Variants in SMARCD3 observed in about 807,000 individuals in gnomAD.
SMARCD3 encodes SWI/SNF related BAF chromatin remodeling complex subunit D3, also known as SWI/SNF-related matrix-associated actin-dependent regulator of chromatin subfamily D member 3.
In SMARCD3, 14 loss-of-function variants were observed where a neutral mutation model predicts 58.0. The ratio of observed to expected loss-of-function variants is 0.24; its 90% CI spans 0.16 to 0.38. The LOEUF (loss-of-function observed/expected upper bound fraction) is 0.38, where lower values mean the gene tolerates loss of function less well. Among genes scored for constraint, SMARCD3 ranks in the 10% least tolerant of loss-of-function variants. The pLI is 1.00. For missense variants in SMARCD3, 408 were observed against 636.9 expected, an observed-to-expected ratio of 0.64 and a Z score of 3.87; for synonymous variants, 253 against 253.8, an observed-to-expected ratio of 1.00 and a Z score of 0.03.
chr7:151,245,388 G>A lies in SMARCD3; in HGVS notation c.290+72C>T. ...TCGCCCCTTCCAATCCCCGCTACTC[G>A]CTTACCTGGTCCCTGCGGGTCCCCC... is the stretch of plus-strand genomic sequence containing the variant. On this transcript the variant is annotated intron_variant, in intron 2 of 12. Coordinates refer to ENST00000262188, the MANE Select transcript of SMARCD3 (RefSeq NM_001003801.2). The surrounding 1 kb of genome is among the most constrained non-coding windows in gnomAD (Gnocchi z 6.2). 1 of 566,340 alleles carries A rather than the reference G, an allele frequency of 1.8e-6. No individual in the cohort carries two copies. Among genetic ancestry groups the A allele is most frequent in the Non-Finnish European group, 2.6e-6 (1 of 383,368 alleles). 35.1% of individuals were successfully genotyped at this position (566,340 alleles called of 1,614,324 possible).
chr7:151,252,727 G>T (rs536090795), upstream of SMARCD3, among the ~76,000 whole-genome samples: 2 of 34 alleles, frequency 0.059, no homozygotes, highest in Admixed American at 0.5. Flanking sequence ...CAGAGGGGAC[G>T]CTCCGAAGCC....
intron 2 of SMARCD3, among the ~76,000 whole-genome samples, chr7:151,267,467 C>T (rs562571579): frequency 4.6e-5 from 7 of 152,284 alleles, no homozygotes; most frequent in East Asian, 3.9e-4. Flanking sequence ...GAATGTACTG[C>T]GAAGTCCTCA....
Position 151,245,599 on chromosome 7 carries a change from T to G in SMARCD3, c.151A>C (p.Met51Leu), listed in dbSNP as rs959934298. The part of the protein sequence containing the change: ...APMGPPGSPY[M>L]GSPAVRPGLA... The stretch of plus-strand genomic sequence containing the variant: ...CCGGGTCGCACGGCGGGGCTGCCCA[T>G]GTACGGGGAGCCCGGGGGGCCCATG... The change falls in exon 2 of 13, where the codon ATG becomes CTG. Residue 51 changes from methionine to leucine, a missense_variant. Physicochemically the swap from Met to Leu is conservative, Grantham distance 15. This residue lies in a region of SMARCD3 where 84 missense variants were observed against 81.2 expected (regional missense o/e 1.03). Coordinates refer to ENST00000262188, the MANE Select transcript of SMARCD3 (RefSeq NM_001003801.2). This position sits in a 1 kb window ranked among gnomAD's most constrained non-coding sequence, Gnocchi z 6.2. 3.4e-6 allele frequency: 4 copies of G among 1,171,204 alleles called. No individual in the cohort carries two copies. The highest frequency in any genetic ancestry group is 4.3e-6 in the Non-Finnish European group (4 of 933,850). 72.6% of individuals were successfully genotyped at this position (1,171,204 alleles called of 1,614,324 possible).
At chr7:151,251,532 C>T (rs536153797), upstream of SMARCD3, among the ~76,000 whole-genome samples, 84 of 152,218 alleles carry the variant, frequency 5.5e-4, 2 homozygotes, top group East Asian at 0.016. Context: ...GGGCCCGGGC[C>T]AGGGCTCCCT....
chr7:151,238,801 A>G lies in SMARCD3; in HGVS notation c.*302T>C, dbSNP rs1802795806. 5.2e-6 allele frequency: 8 copies of G among 1,545,296 alleles called. No homozygotes were observed. Among genetic ancestry groups the G allele is most frequent in the South Asian group, 1.2e-5 (1 of 84,060 alleles). On this transcript the variant is annotated 3_prime_UTR_variant, in exon 13 of 13. Coordinates refer to ENST00000262188, the MANE Select transcript of SMARCD3 (RefSeq NM_001003801.2). ...TGTATTTTTTAAATATGAAAATGTTATTAAACATGTCTTCTGCCAAACTGT... is the reference window on the plus strand; with the variant it reads ...TGTATTTTTTAAATATGAAAATGTTGTTAAACATGTCTTCTGCCAAACTGT...
chr7:151,243,844 A>T lies in SMARCD3; in HGVS notation c.291-143T>A. The T allele has an allele frequency of 4.0e-6, 3 of 744,718 alleles. No individual in the cohort carries two copies. The Admixed American group carries it at 5.3e-5, about 13-fold the overall frequency. 46.1% of individuals were successfully genotyped at this position (744,718 alleles called of 1,614,324 possible). A position where few individuals can be genotyped will look rare whatever the true frequency, so the allele number is the denominator to read the frequency against. Reference sequence around the variant, plus strand: ...CTTGTCTGCCCGCCCAAGGGCTGTGACGGTGGTGTGTGGAACCGGTGCTCT... The same window carrying T: ...CTTGTCTGCCCGCCCAAGGGCTGTGTCGGTGGTGTGTGGAACCGGTGCTCT... On this transcript the variant is annotated intron_variant, in intron 2 of 12. Coordinates refer to ENST00000262188, the MANE Select transcript of SMARCD3 (RefSeq NM_001003801.2). This position sits in a 1 kb window ranked among gnomAD's most constrained non-coding sequence, Gnocchi z 4.4.
chr7:151,251,175 C>T (rs992710565), upstream of SMARCD3, among the ~76,000 whole-genome samples: 2 of 152,030 alleles, frequency 1.3e-5, no homozygotes, highest in African/African-American at 2.4e-5. Context: ...GGTAGTTAGA[C>T]GAGGGGCTAT....
At chr7:151,274,955 G>C (rs975631259) in intron 2 of SMARCD3, among the ~76,000 whole-genome samples, 2 of 152,208 alleles carry the variant, frequency 1.3e-5, no homozygotes, top group Non-Finnish European at 2.9e-5. Flanking sequence ...GGGGTGGGGA[G>C]AGGGACAGAG....
chr7:151,241,909 G>A lies in SMARCD3; in HGVS notation c.745C>T (p.Arg249Cys), dbSNP rs1006868588. The A allele has an allele frequency of 1.1e-5, 18 of 1,612,064 alleles. No homozygotes were observed. The highest frequency in any genetic ancestry group is 8.4e-5 in the Admixed American group (5 of 59,692). Residue 249 changes from arginine (R) to cysteine (C), a missense_variant, in exon 7 of 13, where the codon CGC (arginine) becomes TGC (cysteine). Coordinates refer to ENST00000262188, the MANE Select transcript of SMARCD3 (RefSeq NM_001003801.2). The surrounding 1 kb of genome is among the most constrained non-coding windows in gnomAD (Gnocchi z 5.3). ...QVKRPGDLSV[R>C]CTLLLMLDYQ... is the part of the protein sequence containing the mutation. ...TCCAGCATGAGGAGCAGCGTGCAGC[G>A]CACACTCAGGTCCCCAGGCCGTTTC...
At position 151,243,604 on chromosome 7, in the gene SMARCD3, G is replaced by A; in HGVS notation, c.333+55C>T. ...CTCTGCTTCTGAGGGGGGAGGGGAG[G>A]GCGGAGCAGCAAAGGGTGGGGGGTG... On this transcript the variant is annotated intron_variant, in intron 3 of 12. Coordinates refer to ENST00000262188, the MANE Select transcript of SMARCD3 (RefSeq NM_001003801.2). The surrounding 1 kb of genome is among the most constrained non-coding windows in gnomAD (Gnocchi z 4.4). The A allele has an allele frequency of 1.0e-6, 1 of 972,942 alleles. No homozygotes were observed. The highest frequency in any genetic ancestry group is 1.7e-6 in the Non-Finnish European group (1 of 598,874). The allele number at this position is 972,942 out of a possible 1,614,324, so 60.3% of individuals were successfully genotyped here. A position where few individuals can be genotyped will look rare whatever the true frequency, so the allele number is the denominator to read the frequency against.
chr7:151,275,937 T>C (rs1188926168), intron 1 of SMARCD3, among the ~76,000 whole-genome samples: 1 of 151,970 alleles, frequency 6.6e-6, no homozygotes, highest in Non-Finnish European at 1.5e-5. Context: ...TGGGAGTGGC[T>C]CAGGGTCTGG....
At position 151,239,196 on chromosome 7, in the gene SMARCD3, T is replaced by C. The variant is rs777647262; in HGVS notation, c.1399-40A>G. The C allele has an allele frequency of 1.2e-6, 2 of 1,606,398 alleles. No homozygotes were observed. Among genetic ancestry groups the C allele is most frequent in the Non-Finnish European group, 1.7e-6 (2 of 1,173,122 alleles). On this transcript the variant is annotated intron_variant, in intron 12 of 12. Transcript: ENST00000262188. This position sits in a 1 kb window ranked among gnomAD's most constrained non-coding sequence, Gnocchi z 7.0. ...AGAACAGGAGCAGGTGTCAGTGTTC[T>C]GGTGAGTGATCAGGACAATCCCACC...
chr7:151,268,771 C>CT lies in SMARCD3; in HGVS notation c.39+6342dup, dbSNP rs367908872. Among the ~76,000 whole-genome samples, 1,330 of 148,360 alleles carry CT rather than the reference C, an allele frequency of 9.0e-3. 24 individuals are homozygous for CT. The highest frequency in any genetic ancestry group is 0.031 in the African/African-American group (1,259 of 40,640). On this transcript the variant is annotated intron_variant, in intron 2 of 13. Transcript: ENST00000356800. Reference sequence around the variant, plus strand: ...AATTAAACCACACAAAATTCTCTCTCTTTTTTTTTTAATGTAGAGATGAGG... The same window carrying CT: ...AATTAAACCACACAAAATTCTCTCTCTTTTTTTTTTTAATGTAGAGATGAGG...
chr7:151,273,066 C>G (rs893040965), intron 2 of SMARCD3, among the ~76,000 whole-genome samples: 2 of 152,244 alleles, frequency 1.3e-5, no homozygotes, highest in Admixed American at 6.5e-5. Flanking sequence ...CAGGGCCTGT[C>G]AGCATCCAAA....
chr7:151,240,321 C>T, intron 9 of SMARCD3, 74 bp from the exon 10 acceptor site: 1 of 1,606,324 alleles, frequency 6.2e-7, no homozygotes, highest in Non-Finnish European at 8.5e-7. Flanking sequence ...TGGGGCAGAT[C>T]CAACAGGGAG....
intron 2 of SMARCD3, among the ~76,000 whole-genome samples, chr7:151,260,039 C>T (rs1803866437): frequency 6.6e-6 from 1 of 152,170 alleles, no homozygotes; most frequent in Non-Finnish European, 1.5e-5. Context: ...CTGGCAGGGT[C>T]CCCATTATAA....
intron 2 of SMARCD3, among the ~76,000 whole-genome samples, chr7:151,272,527 G>A (rs150131934): frequency 1.3e-5 from 2 of 152,284 alleles, no homozygotes; most frequent in Admixed American, 1.3e-4. Flanking sequence ...TGGGAAAAAG[G>A]TTCACATGGG....
rs1327674183 is a variant in SMARCD3 at position 151,241,260 on chromosome 7, G to A, written c.939+232C>T. The A allele has an allele frequency of 1.7e-6, 1 of 574,246 alleles. No homozygotes were observed. Among genetic ancestry groups the A allele is most frequent in the Non-Finnish European group, 3.2e-6 (1 of 317,146 alleles). The allele number at this position is 574,246 out of a possible 1,614,324, so 35.6% of individuals were successfully genotyped here. On this transcript the variant is annotated intron_variant, in intron 8 of 12. Coordinates refer to ENST00000262188, the MANE Select transcript of SMARCD3 (RefSeq NM_001003801.2). The surrounding 1 kb of genome is among the most constrained non-coding windows in gnomAD (Gnocchi z 5.3). Reference sequence around the variant, plus strand: ...GCGGTTGGCTTTGTAGGGTTTCCAGGTCTTCCTAACTTGGGGGGGCTAACA... The same window carrying A: ...GCGGTTGGCTTTGTAGGGTTTCCAGATCTTCCTAACTTGGGGGGGCTAACA...
At position 151,242,154 on chromosome 7, in the gene SMARCD3, C is replaced by CATAAAGATCTTTGTCCATAAA; in HGVS notation, c.657_658insTTTATGGACAAAGATCTTTAT (p.Pro219_Asp220insPheMetAspLysAspLeuTyr). The CATAAAGATCTTTGTCCATAAA allele has an allele frequency of 3.7e-6, 6 of 1,613,392 alleles. No homozygotes were observed. Among genetic ancestry groups the CATAAAGATCTTTGTCCATAAA allele is most frequent in the Non-Finnish European group, 5.1e-6 (6 of 1,179,392 alleles). On this transcript the variant is annotated inframe_insertion, in exon 6 of 13. Transcript: ENST00000262188. This position sits in a 1 kb window ranked among gnomAD's most constrained non-coding sequence, Gnocchi z 4.7. ...GGTCTTACCTCAACGAGGTGGTTGTCAGGGCCATAAAGATCTTTGTCCAGC... is the reference window on the plus strand; with the variant it reads ...GGTCTTACCTCAACGAGGTGGTTGTCATAAAGATCTTTGTCCATAAAAGGGCCATAAAGATCTTTGTCCAGC...
Sources: allele counts gnomAD v4.1 joint callset (sites outside exome capture counted in the v4.1 genomes callset), GRCh38; gene constraint gnomAD v4.1.1; regional missense constraint gnomAD v4.1.1; non-coding constraint Gnocchi (gnomAD v3.1); transcripts MANE v1.5; gene names NCBI Gene and HGNC (gene_info 2026-07-23, HGNC 2026-07-21).